The following DYNC2H1 variants were observed in gnomAD, a reference collection of about 807,000 sequenced individuals.
DYNC2H1 encodes the protein cytoplasmic dynein 2 heavy chain 1.
In DYNC2H1, 410 loss-of-function variants were observed where a neutral mutation model predicts 570.0. The ratio of observed to expected loss-of-function variants is 0.72; its 90% CI spans 0.66 to 0.78. The LOEUF (loss-of-function observed/expected upper bound fraction) is 0.78. Among genes scored for constraint, DYNC2H1 ranks in the 30% least tolerant of loss-of-function variants. The pLI is 0.00. For missense variants in DYNC2H1, 4,865 were observed against 5,046.4 expected (o/e 0.96, Z 1.09); for synonymous variants, 1,688 against 1,677.6 (o/e 1.01, Z -0.15).
intron 6 of DYNC2H1, among the ~76,000 whole-genome samples, chr11:103,118,116 T>C (rs536995537): frequency 2.0e-5 from 3 of 152,156 alleles, no homozygotes; most frequent in East Asian, 1.9e-4. Context: ...CACTTGACCA[T>C]GTATGGAAGC....
rs184212761 is a variant in DYNC2H1 at position 103,411,234 on chromosome 11, A to T, written c.12366+11362A>T. The stretch of plus-strand genomic sequence containing the variant: ...TCCAGTGGTTTAAAGTTGAGTTGGC[A>T]GAGGTTTAGTTGGGGGTTACTCATA... On this transcript the variant is annotated intron_variant, in intron 84 of 88. Coordinates refer to ENST00000375735, the MANE Select transcript of DYNC2H1 (RefSeq NM_001377.3). 2.4e-3 allele frequency among the ~76,000 whole-genome samples: 371 copies of T among 152,274 alleles called. 1 individual carries two copies. The highest frequency in any genetic ancestry group is 4.4e-3 in the Non-Finnish European group (296 of 68,008).
chr11:103,177,811 G>C lies in DYNC2H1; in HGVS notation c.6130G>C (p.Glu2044Gln). 6.2e-7 allele frequency: 1 copy of C among 1,609,576 alleles called. No individual in the cohort carries two copies. Among genetic ancestry groups the C allele is most frequent in the Non-Finnish European group, 8.5e-7 (1 of 1,178,340 alleles). Residue 2044 changes from glutamate (E) to glutamine (Q), a missense_variant, in exon 38 of 89, where the codon GAA (glutamate) becomes CAA (glutamine). Glu to Gln is a conservative substitution (Grantham distance 29, BLOSUM62 2). Transcript: ENST00000375735. This position sits in a 1 kb window ranked among gnomAD's most constrained non-coding sequence, Gnocchi z 4.4. ...AAATAGTGCTCGTCAAGTGGTTCGG[G>C]AACCTCAAGGTTAGTCTCTATGTAT... ...LTNSARQVVR[E>Q]PQDVSSWIIC...
At chr11:103,426,620 G>C (rs992349759) in intron 84 of DYNC2H1, among the ~76,000 whole-genome samples, 2 of 152,142 alleles carry the variant, frequency 1.3e-5, no homozygotes, top group Non-Finnish European at 2.9e-5. Flanking sequence ...CTATATGTAA[G>C]ATTTTTCAAC....
chr11:103,116,519 A>G, intron 4 of DYNC2H1, 51 bp from the exon 5 acceptor site: 1 of 1,418,736 alleles, frequency 7.0e-7, no homozygotes, highest in Non-Finnish European at 9.5e-7. Flanking sequence ...TGATTATATT[A>G]CCCAAGGTAC....
Position 103,472,836 on chromosome 11 carries a change from G to C in DYNC2H1, c.12765+4131G>C, listed in dbSNP as rs1309605728. Reference sequence around the variant, plus strand: ...GTAACTAAACTTTTTTTTTACACCAGAAGGAGGTTATTTCACAAATTATTT... The same window carrying C: ...GTAACTAAACTTTTTTTTTACACCACAAGGAGGTTATTTCACAAATTATTT... On this transcript the variant is annotated intron_variant, in intron 88 of 88. Transcript: ENST00000375735. The surrounding 1 kb of genome is among the most constrained non-coding windows in gnomAD (Gnocchi z 4.1). Among the ~76,000 whole-genome samples the C allele has an allele frequency of 2.0e-5, 3 of 151,904 alleles. No homozygotes were observed. The highest frequency in any genetic ancestry group is 7.3e-5 in the African/African-American group (3 of 41,346).
chr11:103,223,245 A>T (rs1863660670), intron 59 of DYNC2H1, among the ~76,000 whole-genome samples, 159 bp downstream of exon 59: 1 of 151,508 alleles, frequency 6.6e-6, no homozygotes, highest in African/African-American at 2.4e-5. Context: ...TTAAAAACAG[A>T]TCAAAAAAAG....
chr11:103,286,549 C>T (rs1415270139), intron 74 of DYNC2H1, among the ~76,000 whole-genome samples, 163 bp downstream of exon 74: 2 of 152,118 alleles, frequency 1.3e-5, no homozygotes, highest in Non-Finnish European at 2.9e-5. Context: ...AATTAAATCA[C>T]GCCAAAGTTT....
At position 103,303,261 on chromosome 11, in the gene DYNC2H1, C is replaced by T. The variant is rs1405925153; in HGVS notation, c.11256+8C>T. On this transcript the variant is annotated splice_region_variant and intron_variant, in intron 76 of 88. Coordinates refer to ENST00000375735, the MANE Select transcript of DYNC2H1 (RefSeq NM_001377.3). ...GGAGAGTGTTATCACCAGGTAAGTA[C>T]ATATTGTCCCGCTGTTTTTGTTTTT... The T allele has an allele frequency of 2.5e-6, 4 of 1,608,012 alleles. No homozygotes were observed. Among genetic ancestry groups the T allele is most frequent in the Non-Finnish European group, 3.4e-6 (4 of 1,176,610 alleles).
intron 60 of DYNC2H1, among the ~76,000 whole-genome samples, chr11:103,233,464 T>C (rs926337340): frequency 2.6e-5 from 4 of 151,926 alleles, no homozygotes; most frequent in Non-Finnish European, 4.4e-5. Context: ...TCAATGAATA[T>C]AGGGAGAGAT....
chr11:103,410,161 G>C (rs944099301), intron 84 of DYNC2H1, among the ~76,000 whole-genome samples: 1 of 152,000 alleles, frequency 6.6e-6, no homozygotes, highest in African/African-American at 2.4e-5. Context: ...TCCTCTATAC[G>C]TGTGTAGAGA....
chr11:103,234,850 C>G (rs1864162157), intron 61 of DYNC2H1, among the ~76,000 whole-genome samples: 1 of 151,992 alleles, frequency 6.6e-6, no homozygotes, highest in South Asian at 2.1e-4. Context: ...TTTTCTTTTT[C>G]TTATTCCAAG....
chr11:103,333,333 A>G (rs1282289133), intron 82 of DYNC2H1, among the ~76,000 whole-genome samples: 2 of 152,020 alleles, frequency 1.3e-5, no homozygotes, highest in Admixed American at 1.3e-4. Context: ...GCACAATCTC[A>G]GCTCACTGCA....
At chr11:103,288,354 C>A (rs1255947703) in intron 75 of DYNC2H1, among the ~76,000 whole-genome samples, 1 of 152,106 alleles carries the variant, frequency 6.6e-6, no homozygotes, top group African/African-American at 2.4e-5. Context: ...TCAGGCCAAA[C>A]TGACTCCATC....
intron 69 of DYNC2H1, among the ~76,000 whole-genome samples, chr11:103,258,363 T>C (rs1186709564): frequency 2.0e-5 from 3 of 152,246 alleles, no homozygotes; most frequent in Non-Finnish European, 1.5e-5. Context: ...TATATGCACA[T>C]TGTTCTAATT....
Position 103,286,328 on chromosome 11 carries a change from C to T in DYNC2H1, c.10964C>T (p.Ser3655Leu). 1 of 1,613,692 alleles carries T rather than the reference C, an allele frequency of 6.2e-7. No individual in the cohort carries two copies. The highest frequency in any genetic ancestry group is 8.5e-7 in the Non-Finnish European group (1 of 1,179,758). ...AALWRTYYNN[S>L]MCEQEFPSIL... ...CTGTGGCGTACTTATTATAATAATT[C>T]AATGTGTGAGCAAGAGTTTCCATCT... Residue 3655 changes from serine to leucine, a missense_variant, in exon 74 of 89, where the codon TCA becomes TTA. Ser to Leu is a moderately radical substitution (Grantham distance 145). Coordinates refer to ENST00000375735, the MANE Select transcript of DYNC2H1 (RefSeq NM_001377.3).
rs951465493 is a variant in DYNC2H1 at position 103,479,003 on chromosome 11, ATAATAT to A, written c.12766-85_12766-80del. ...ATATTAATTTGAAACATTTCATAAT[ATAATAT>A]TAATATGTTTGTTTCCTTGGTTATC... On this transcript the variant is annotated intron_variant, in intron 88 of 88. Coordinates refer to ENST00000375735, the MANE Select transcript of DYNC2H1 (RefSeq NM_001377.3). 1.4e-5 allele frequency: 19 copies of A among 1,347,134 alleles called. 1 individual carries two copies. The highest frequency in any genetic ancestry group is 8.5e-5 in the Admixed American group (4 of 46,984). 83.4% of individuals were successfully genotyped at this position (1,347,134 alleles called of 1,614,324 possible).
In DYNC2H1 at chr11:103,245,322, T is replaced by G. The variant is rs773231737; in HGVS notation, c.9990T>G (p.Asp3330Glu). 6.3e-7 allele frequency: 1 copy of G among 1,575,176 alleles called. No homozygotes were observed. The highest frequency in any genetic ancestry group is 1.2e-5 in the South Asian group (1 of 85,530). ...AAACCCTTATTATACAAGAGATGGA[T>G]GGTGTAGAACCTGTTCTTTATCCAT... Reference protein sequence around the residue: ...FGKTLIIQEMDGVEPVLYPLL... With the variant: ...FGKTLIIQEMEGVEPVLYPLL... Residue 3330 changes from aspartate (D) to glutamate (E), a missense_variant, in exon 65 of 89, where the codon GAT (aspartate) becomes GAG (glutamate). By Grantham distance (45) the Asp-to-Glu change is conservative. Transcript: ENST00000375735. This position sits in a 1 kb window ranked among gnomAD's most constrained non-coding sequence, Gnocchi z 4.5.
intron 79 of DYNC2H1, among the ~76,000 whole-genome samples, chr11:103,312,563 A>AT (rs1867648608): frequency 9.8e-6 from 1 of 102,238 alleles, no homozygotes; most frequent in South Asian, 2.9e-4. Flanking sequence ...AAAAAAAAAA[A>AT]AAACCAATTG....
intron 31 of DYNC2H1, 91 bp downstream of exon 31, chr11:103,166,139 C>T (rs1861295756): frequency 9.2e-7 from 1 of 1,083,956 alleles, no homozygotes; most frequent in African/African-American, 1.6e-5. Context: ...GACTGTATAT[C>T]TGTGTTGGTG....
Sources: gnomAD v4.1 joint callset for allele counts (sites outside exome capture counted in the v4.1 genomes callset) on GRCh38, gnomAD v4.1.1 for gene constraint, Gnocchi (gnomAD v3.1) non-coding constraint, MANE v1.5 for transcripts, NCBI Gene and HGNC (gene_info 2026-07-23, HGNC 2026-07-21) for gene names.